The following UNC13C variants were observed in gnomAD, a reference collection of about 807,000 sequenced individuals.
UNC13C encodes unc-13 homolog C.
A neutral mutation model predicts 245.4 loss-of-function variants in UNC13C; 174 were observed. That is an observed-to-expected ratio of 0.71 (90% CI 0.63 to 0.80). The LOEUF (loss-of-function observed/expected upper bound fraction) is 0.80. Ranked by LOEUF, UNC13C falls within the 30% of genes least tolerant of loss-of-function variation. UNC13C has a pLI of 0.00. For synonymous variants in UNC13C, 992 were observed against 895.1 expected, an observed-to-expected ratio of 1.11 and a Z score of -1.93; for missense variants, 2,829 against 2,602.9, an observed-to-expected ratio of 1.09 and a Z score of -1.89.
intron 18 of UNC13C, among the ~76,000 whole-genome samples, chr15:54,411,700 A>G (rs1212330115): frequency 6.6e-6 from 1 of 152,158 alleles, no homozygotes; most frequent in Non-Finnish European, 1.5e-5. Flanking sequence ...TGTATAAATT[A>G]TTATATTTTC....
At chr15:54,163,771 A>T (rs762290685) in intron 4 of UNC13C, among the ~76,000 whole-genome samples, 2 of 152,196 alleles carry the variant, frequency 1.3e-5, no homozygotes, top group African/African-American at 2.4e-5. Flanking sequence ...TTTTGTAATC[A>T]TGAGTTGAAG....
rs73417763 is a variant in UNC13C at position 54,384,518 on chromosome 15, A to C, written c.4714-8530A>C. The stretch of plus-strand genomic sequence containing the variant: ...ATACAAAAGGCAACTCAATATGAAC[A>C]TGTTAAACCTGAAATTATAAAACTA... On this transcript the variant is annotated intron_variant, in intron 17 of 32. Coordinates refer to ENST00000260323, the MANE Select transcript of UNC13C (RefSeq NM_001080534.3). Among the ~76,000 whole-genome samples, 1,205 of 152,180 alleles carry C rather than the reference A, an allele frequency of 7.9e-3. 12 individuals are homozygous for C. Among genetic ancestry groups the C allele is most frequent in the African/African-American group, 0.028 (1,151 of 41,554 alleles).
intron 20 of UNC13C, among the ~76,000 whole-genome samples, chr15:54,499,111 T>C (rs1479361048): frequency 2.0e-5 from 3 of 152,026 alleles, no homozygotes; most frequent in African/African-American, 7.2e-5. Flanking sequence ...ACAAGAAGCA[T>C]AGTGGCTTCT....
chr15:53,991,870 A>C (rs1894406624), intron 1 of UNC13C, among the ~76,000 whole-genome samples: 1 of 152,050 alleles, frequency 6.6e-6, no homozygotes, highest in Non-Finnish European at 1.5e-5. Flanking sequence ...GATAGGTATC[A>C]CTGAGATACT....
At chr15:54,160,751 A>T (rs1227981727) in intron 4 of UNC13C, among the ~76,000 whole-genome samples, 1 of 152,086 alleles carries the variant, frequency 6.6e-6, no homozygotes, top group East Asian at 1.9e-4. Flanking sequence ...ACATGTGAAC[A>T]TTTAACACAA....
chr15:54,198,440 A>T lies in UNC13C; in HGVS notation c.3072-36590A>T, dbSNP rs532540344. Among the ~76,000 whole-genome samples, 53 of 152,218 alleles carry T rather than the reference A, an allele frequency of 3.5e-4. 1 individual carries two copies. Among genetic ancestry groups the T allele is most frequent in the Middle Eastern group, 3.4e-3 (1 of 294 alleles). On this transcript the variant is annotated intron_variant, in intron 4 of 32. Transcript: ENST00000260323. ...ATACTAAACAAAAACACAACCAAGG[A>T]TCCTCACAGTGTCCACTTCACTCCC...
chr15:54,327,865 G>A (rs1367802441), intron 14 of UNC13C, among the ~76,000 whole-genome samples: 1 of 152,054 alleles, frequency 6.6e-6, no homozygotes, highest in Admixed American at 6.6e-5. Flanking sequence ...ACATTTCAAA[G>A]GGAAGGCTCC....
At position 54,015,588 on chromosome 15, in the gene UNC13C, T is replaced by G. The variant is rs768619147; in HGVS notation, c.2685T>G (p.Ile895Met). 1 of 1,613,852 alleles carries G rather than the reference T, an allele frequency of 6.2e-7. No individual in the cohort carries two copies. Among genetic ancestry groups the G allele is most frequent in the Non-Finnish European group, 8.5e-7 (1 of 1,179,806 alleles). Residue 895 changes from isoleucine to methionine, a missense_variant, in exon 2 of 33, where the codon ATT becomes ATG. Physicochemically the swap from Ile to Met is conservative, Grantham distance 10 (BLOSUM62 1). Coordinates refer to ENST00000260323, the MANE Select transcript of UNC13C (RefSeq NM_001080534.3). ...VLAKLENRTS[I>M]TETDEQMQAY... The stretch of plus-strand genomic sequence containing the variant: ...CTAAACTAGAAAACAGGACTAGTAT[T>G]ACTGAAACAGATGAACAAATGCAAG...
At chr15:54,630,799 G>A (rs986062215), downstream of UNC13C, 38 of 151,428 alleles carry the variant, frequency 2.5e-4, no homozygotes, top group African/African-American at 8.5e-4. Flanking sequence ...ATATGAAGGA[G>A]AATCAATTCC....
At chr15:54,609,413 C>A (rs1439125409) in intron 30 of UNC13C, 2 of 152,154 alleles carry the variant, frequency 1.3e-5, no homozygotes, top group Non-Finnish European at 2.9e-5. Context: ...TGGATAATAT[C>A]CTGGTCAAAA....
At chr15:54,276,448 C>A (rs1430791874) in intron 10 of UNC13C, among the ~76,000 whole-genome samples, 2 of 152,076 alleles carry the variant, frequency 1.3e-5, no homozygotes. Flanking sequence ...TATGACCACA[C>A]AGTAATATCA....
intron 30 of UNC13C, among the ~76,000 whole-genome samples, chr15:54,612,474 A>C (rs1425789248): frequency 1.3e-5 from 2 of 152,156 alleles, no homozygotes; most frequent in East Asian, 3.9e-4. Flanking sequence ...AGATGGATTT[A>C]CAAATGTTTT....
intron 4 of UNC13C, among the ~76,000 whole-genome samples, chr15:54,152,654 C>T (rs1188027403): frequency 6.6e-6 from 1 of 152,072 alleles, no homozygotes; most frequent in Non-Finnish European, 1.5e-5. Flanking sequence ...TTAGTAACTA[C>T]AGAAAATATC....
At chr15:54,358,898 T>C (rs1438373902) in intron 17 of UNC13C, among the ~76,000 whole-genome samples, 1 of 152,060 alleles carries the variant, frequency 6.6e-6, no homozygotes, top group Admixed American at 6.5e-5. Context: ...TTCCATAACT[T>C]AGAGACAAAT....
At chr15:54,011,222 G>C (rs1050079109) in intron 1 of UNC13C, among the ~76,000 whole-genome samples, 1 of 152,126 alleles carries the variant, frequency 6.6e-6, no homozygotes, top group South Asian at 2.1e-4. Flanking sequence ...GTGGACACCT[G>C]TTCCTGAGTT....
chr15:54,567,894 C>T lies in UNC13C; in HGVS notation c.6053C>T (p.Thr2018Ile), dbSNP rs755001117. Residue 2018 changes from threonine to isoleucine, a missense_variant, in exon 30 of 33, where the codon ACC (threonine) becomes ATC (isoleucine). Physicochemically the swap from Thr to Ile is moderately conservative, Grantham distance 89 (BLOSUM62 -1). Coordinates refer to ENST00000260323, the MANE Select transcript of UNC13C (RefSeq NM_001080534.3). ...QSLRYALSLY[T>I]QTTDALIKKF... ...CTGAGATATGCTCTCAGTCTTTATA[C>T]CCAAACTACTGATGCCTTGATAAAG... 5 of 1,593,056 alleles carry T rather than the reference C, an allele frequency of 3.1e-6. No homozygotes were observed. Among genetic ancestry groups the T allele is most frequent in the Admixed American group, 1.7e-5 (1 of 57,606 alleles).
intron 17 of UNC13C, among the ~76,000 whole-genome samples, chr15:54,341,486 G>T (rs1256613611): frequency 6.6e-6 from 1 of 152,074 alleles, no homozygotes; most frequent in Non-Finnish European, 1.5e-5. Context: ...TCAGTACCTG[G>T]GTAAGGGGAT....
chr15:54,310,826 A>G (rs1296573825), intron 13 of UNC13C, among the ~76,000 whole-genome samples: 2 of 151,696 alleles, frequency 1.3e-5, no homozygotes, highest in African/African-American at 2.4e-5. Context: ...TTTGCTGACC[A>G]TTTCTTCAAG....
intron 17 of UNC13C, among the ~76,000 whole-genome samples, chr15:54,347,512 A>C (rs1384709118): frequency 6.6e-6 from 1 of 152,216 alleles, no homozygotes; most frequent in African/African-American, 2.4e-5. Context: ...GTTCTGAAGC[A>C]CACTTAGGGA....
Sources: gnomAD v4.1 joint callset for allele counts (sites outside exome capture counted in the v4.1 genomes callset) on GRCh38, gnomAD v4.1.1 for gene constraint, MANE v1.5 for transcripts, NCBI Gene and HGNC (gene_info 2026-07-23, HGNC 2026-07-21) for gene names.